Variants in MAPK6 observed in about 807,000 individuals in gnomAD.
MAPK6 encodes the protein mitogen-activated protein kinase 6.
Under a neutral mutation model 59.3 loss-of-function variants are expected in MAPK6, and 19 were observed. The observed-to-expected ratio is 0.32, with a 90% CI of 0.22 to 0.47. The LOEUF is 0.47. Ranked by LOEUF, MAPK6 falls within the 20% of genes least tolerant of loss-of-function variation. The pLI, the probability that MAPK6 is intolerant of heterozygous loss-of-function variation, is 1.00. For missense variants in MAPK6, 724 were observed against 847.9 expected (o/e 0.85, Z 1.81); for synonymous variants, 316 against 290.3 (o/e 1.09, Z -0.90).
At chr15:51,978,680 GAAA>G (rs1213548383) in intron 1 of MAPK6, among the ~76,000 whole-genome samples, 1 of 150,968 alleles carries the variant, frequency 6.6e-6, no homozygotes, top group Non-Finnish European at 1.5e-5. Context: ...AACAAAACAA[GAAA>G]AAAACTTTTA....
intron 2 of MAPK6, among the ~76,000 whole-genome samples, chr15:52,047,516 T>G (rs2031631303): frequency 1.3e-5 from 2 of 152,086 alleles, no homozygotes; most frequent in Admixed American, 6.6e-5. Flanking sequence ...CAGCTAATTT[T>G]TTTGTATTTT....
At chr15:51,973,464 C>G (rs1349252240) in intron 1 of MAPK6, among the ~76,000 whole-genome samples, 1 of 151,774 alleles carries the variant, frequency 6.6e-6, no homozygotes, top group Non-Finnish European at 1.5e-5. Flanking sequence ...GCCTCGGCCT[C>G]CTAACACGTT....
intron 1 of MAPK6, among the ~76,000 whole-genome samples, chr15:52,028,646 G>A (rs1422110637): frequency 6.6e-6 from 1 of 152,224 alleles, no homozygotes; most frequent in Non-Finnish European, 1.5e-5. Context: ...CTATTGGACA[G>A]TGCAGATATA....
chr15:51,986,993 T>A (rs973128514), intron 2 of MAPK6, among the ~76,000 whole-genome samples: 1 of 152,200 alleles, frequency 6.6e-6, no homozygotes, highest in Non-Finnish European at 1.5e-5. Context: ...GCTCAAAGTC[T>A]TTAATGGCAG....
At chr15:52,032,005 A>G (rs1257275242) in intron 1 of MAPK6, among the ~76,000 whole-genome samples, 1 of 150,626 alleles carries the variant, frequency 6.6e-6, no homozygotes, top group East Asian at 2.0e-4. Flanking sequence ...GGTTCATGCC[A>G]TTCTTCTGCA....
intron 1 of MAPK6, among the ~76,000 whole-genome samples, chr15:52,039,603 C>T (rs958227319): frequency 1.3e-5 from 2 of 150,662 alleles, no homozygotes; most frequent in Admixed American, 1.3e-4. Context: ...GCAGCGTCCG[C>T]CTCCCAGGTT....
At chr15:52,056,175 TG>T (rs1177336716) in intron 3 of MAPK6, among the ~76,000 whole-genome samples, 1 of 152,226 alleles carries the variant, frequency 6.6e-6, no homozygotes, top group African/African-American at 2.4e-5. Flanking sequence ...GCATTTCTCT[TG>T]TGTGTCCAGA....
intron 1 of MAPK6, among the ~76,000 whole-genome samples, chr15:52,037,573 A>G (rs1260962340): frequency 3.9e-5 from 6 of 152,168 alleles, no homozygotes; most frequent in Non-Finnish European, 8.8e-5. Context: ...AGATAAGATG[A>G]GAGCTGTAAC....
At chr15:52,060,737 G>C (rs1474285110) in intron 4 of MAPK6, among the ~76,000 whole-genome samples, 26 of 152,196 alleles carry the variant, frequency 1.7e-4, no homozygotes, top group Admixed American at 1.7e-3. Context: ...TGTGAACTAT[G>C]CTGGAGTGTG....
intron 1 of MAPK6, among the ~76,000 whole-genome samples, chr15:51,975,367 C>G (rs2057154370): frequency 6.6e-6 from 1 of 151,476 alleles, no homozygotes; most frequent in Non-Finnish European, 1.5e-5. Context: ...ATGGTGAAAC[C>G]TCGTCTCTAC....
intron 1 of MAPK6, among the ~76,000 whole-genome samples, chr15:51,973,203 CT>C (rs1263466151): frequency 6.6e-6 from 1 of 151,846 alleles, no homozygotes; most frequent in Non-Finnish European, 1.5e-5. Flanking sequence ...AATCCTAGAG[CT>C]TTTGTGTATG....
chr15:52,049,077 C>T (rs982512966), intron 2 of MAPK6, among the ~76,000 whole-genome samples: 1 of 152,154 alleles, frequency 6.6e-6, no homozygotes, highest in African/African-American at 2.4e-5. Flanking sequence ...TCTACCATCA[C>T]AATCTCTCAG....
intron 4 of MAPK6, among the ~76,000 whole-genome samples, chr15:52,059,271 A>G (rs577542711): frequency 2.6e-5 from 4 of 152,256 alleles, no homozygotes; most frequent in Non-Finnish European, 5.9e-5. Context: ...TTCATATCTA[A>G]ATGAGTCCTC....
intron 4 of MAPK6, among the ~76,000 whole-genome samples, chr15:52,060,161 C>T (rs1227129885): frequency 6.6e-6 from 1 of 152,166 alleles, no homozygotes; most frequent in East Asian, 1.9e-4. Flanking sequence ...ATTCCTTGAG[C>T]CCAGGAGTTC....
At chr15:51,986,871 G>C (rs199866531) in intron 2 of MAPK6, among the ~76,000 whole-genome samples, 3 of 151,976 alleles carry the variant, frequency 2.0e-5, no homozygotes, top group Non-Finnish European at 4.4e-5. Flanking sequence ...TACTCCCTCT[G>C]TTGCCATTTC....
chr15:52,021,986 G>A (rs987366165), intron 1 of MAPK6, among the ~76,000 whole-genome samples: 1 of 152,010 alleles, frequency 6.6e-6, no homozygotes, highest in Non-Finnish European at 1.5e-5. Context: ...TTAGCAAGGT[G>A]GCTTAAAATA....
chr15:51,983,535 TGTG>T (rs2057181405), intron 2 of MAPK6, among the ~76,000 whole-genome samples: 1 of 147,802 alleles, frequency 6.8e-6, no homozygotes, highest in African/African-American at 2.5e-5. Flanking sequence ...ACAGGGCTGA[TGTG>T]GTGGCTCTTG....
At chr15:51,989,820 TC>T (rs2057202515) in intron 2 of MAPK6, among the ~76,000 whole-genome samples, 1 of 152,166 alleles carries the variant, frequency 6.6e-6, no homozygotes, top group African/African-American at 2.4e-5. Flanking sequence ...CCCAGGCTGG[TC>T]TCGAATGCTT....
intron 1 of MAPK6, among the ~76,000 whole-genome samples, chr15:51,982,249 A>G (rs1014826706): frequency 2.0e-5 from 3 of 152,244 alleles, no homozygotes; most frequent in East Asian, 1.9e-4. Flanking sequence ...GTGAGAACAC[A>G]GCATAACTGC....
Sources: gnomAD v4.1 joint callset for allele counts (sites outside exome capture counted in the v4.1 genomes callset) on GRCh38, gnomAD v4.1.1 for gene constraint, MANE v1.5 for transcripts, NCBI Gene and HGNC (gene_info 2026-07-23, HGNC 2026-07-21) for gene names.